ISOC1: variants seen among roughly 807,000 people sequenced by gnomAD.
The protein encoded by ISOC1 is isochorismatase domain-containing protein 1.
A neutral mutation model predicts 30.0 loss-of-function variants in ISOC1; 33 were observed. That is an observed-to-expected ratio of 1.10 (90% CI 0.83 to 1.47). ISOC1 has a LOEUF of 1.47. Among genes scored for constraint, ISOC1 ranks in the 40% most tolerant of loss-of-function variants. The probability of loss-of-function intolerance (pLI) is 0.00; values close to 1 mark genes in which losing one functional copy is unlikely to be tolerated. For synonymous variants in ISOC1, 178 were observed against 159.8 expected, an observed-to-expected ratio of 1.11 and a Z score of -0.86; for missense variants, 372 against 388.0, an observed-to-expected ratio of 0.96 and a Z score of 0.35.
At chr5:129,098,611 G>A (rs1026658699) in intron 1 of ISOC1, among the ~76,000 whole-genome samples, 2 of 152,168 alleles carry the variant, frequency 1.3e-5, no homozygotes, top group Non-Finnish European at 2.9e-5. Flanking sequence ...GACAGAGCCT[G>A]CAGAGAAGAG....
chr5:129,101,368 C>T (rs572068010), intron 1 of ISOC1, among the ~76,000 whole-genome samples: 320 of 151,438 alleles, frequency 2.1e-3, no homozygotes, highest in African/African-American at 6.7e-3. Context: ...CAGTGGTGCA[C>T]GCCTGTAATC....
At chr5:129,101,485 A>T (rs1354938599) in intron 1 of ISOC1, among the ~76,000 whole-genome samples, 1 of 151,838 alleles carries the variant, frequency 6.6e-6, no homozygotes. Flanking sequence ...ACAGAGTGAG[A>T]CTCTGTCTCA....
rs370618955 is a variant in ISOC1, at chr5:129,094,884, T to C, written c.118T>C (p.Ser40Pro). 1.2e-6 allele frequency: 2 copies of C among 1,607,296 alleles called. No homozygotes were observed. Among genetic ancestry groups the C allele is most frequent in the Non-Finnish European group, 1.7e-6 (2 of 1,178,198 alleles). ...TTTCTCAGTCTTCGCGCGACCCTCG[T>C]CGGTGCCACACGGGGCGGGCTACGA... is the stretch of plus-strand genomic sequence containing the variant. ...FCFSVFARPSSVPHGAGYELL... is the reference protein window; with the variant it reads ...FCFSVFARPSPVPHGAGYELL... Residue 40 changes from serine (S) to proline (P), a missense_variant, in exon 1 of 5, where the codon TCG (serine) becomes CCG (proline). Coordinates refer to ENST00000173527, the MANE Select transcript of ISOC1 (RefSeq NM_016048.2).
chr5:129,101,019 T>TTTTG (rs5871338), intron 1 of ISOC1, among the ~76,000 whole-genome samples: 72,299 of 144,288 alleles, frequency 0.5, 19,361 homozygotes, highest in East Asian at 0.71. Flanking sequence ...TCCCTATTGT[T>TTTTG]TTTGTTTGTT....
At chr5:129,112,249 G>C (rs1753717166) in intron 4 of ISOC1, among the ~76,000 whole-genome samples, 1 of 152,118 alleles carries the variant, frequency 6.6e-6, no homozygotes, top group Non-Finnish European at 1.5e-5. Flanking sequence ...AAAACATGAA[G>C]AGCTACAAAA....
chr5:129,104,081 A>G (rs187786943), intron 1 of ISOC1, among the ~76,000 whole-genome samples: 39 of 152,278 alleles, frequency 2.6e-4, no homozygotes, highest in African/African-American at 8.4e-4. Context: ...TCCACTTTTC[A>G]TCTTAATTCA....
intron 1 of ISOC1, among the ~76,000 whole-genome samples, chr5:129,103,328 G>T (rs1580787711): frequency 6.6e-6 from 1 of 152,150 alleles, no homozygotes; most frequent in East Asian, 1.9e-4. Flanking sequence ...AATGACCAAA[G>T]CAGAGGCATA....
rs76819663 is a variant in ISOC1, at chr5:129,100,911, T to TAA, written c.310-4034_310-4033dup. Among the ~76,000 whole-genome samples, 5 of 141,630 alleles carry TAA rather than the reference T, an allele frequency of 3.5e-5. No individual in the cohort carries two copies. In the South Asian group the frequency reaches 1.1e-3, roughly 32 times the overall value. The allele number at this position is 141,630 out of a possible 152,430, so 92.9% of individuals were successfully genotyped here. A position where few individuals can be genotyped will look rare whatever the true frequency, so the allele number is the denominator to read the frequency against. ...AAATATCATAGCATAGGGAGGCCAT[T>TAA]AAAAAAAAAAAACTAACTTTTTATT... is the stretch of plus-strand genomic sequence containing the variant. On this transcript the variant is annotated intron_variant, in intron 1 of 4. Coordinates refer to ENST00000173527, the MANE Select transcript of ISOC1 (RefSeq NM_016048.2).
rs370245668 is a variant in ISOC1, at chr5:129,112,865, G to C, written c.761G>C (p.Arg254Pro). ...DRMFALERLA[R>P]TGIIVTTSEA... ...ATCTTTTTGTTCAAGCGTCTCGCTC[G>C]AACCGGGATCATAGTGACCACGAGT... The change falls in exon 5 of 5, where the codon CGA becomes CCA. Residue 254 changes from arginine (R) to proline (P), a missense_variant. Physicochemically the swap from Arg to Pro is moderately radical, Grantham distance 103 (BLOSUM62 -2). Transcript: ENST00000173527. The C allele has an allele frequency of 5.0e-6, 8 of 1,612,044 alleles. No homozygotes were observed. The highest frequency in any genetic ancestry group is 4.5e-5 in the East Asian group (2 of 44,854).
intron 1 of ISOC1, among the ~76,000 whole-genome samples, chr5:129,095,397 C>G (rs1226161036): frequency 1.3e-5 from 2 of 152,254 alleles, no homozygotes; most frequent in African/African-American, 4.8e-5. Flanking sequence ...AGGTCCCAGC[C>G]TCCTGCGTAA....
At chr5:129,112,629 C>A (rs1325405698) in intron 4 of ISOC1, among the ~76,000 whole-genome samples, 2 of 151,928 alleles carry the variant, frequency 1.3e-5, no homozygotes, top group Non-Finnish European at 2.9e-5. Context: ...TACCTGTTCC[C>A]TTTTACTCGT....
intron 4 of ISOC1, among the ~76,000 whole-genome samples, chr5:129,109,941 A>AGG (rs1056912309): frequency 3.3e-4 from 50 of 152,296 alleles, no homozygotes; most frequent in African/African-American, 1.1e-3. Context: ...TCACTGTACC[A>AGG]GGGTCTGTGG....
intron 1 of ISOC1, among the ~76,000 whole-genome samples, chr5:129,096,186 T>G (rs1753498966): frequency 1.3e-5 from 2 of 152,386 alleles, no homozygotes; most frequent in African/African-American, 4.8e-5. Flanking sequence ...CTGAAACATT[T>G]ATCATTTATT....
intron 1 of ISOC1, among the ~76,000 whole-genome samples, chr5:129,095,921 A>G (rs1455456580): frequency 6.6e-6 from 1 of 152,246 alleles, no homozygotes; most frequent in Non-Finnish European, 1.5e-5. Context: ...AAAGAATATA[A>G]GGTATAATTT....
rs529810235 is a variant in ISOC1, at chr5:129,107,380, G to A, written c.750+318G>A. ...GAAGCCTAACCTAAACTGTTTAGAG[G>A]TTTGCAAATTAAAAATAGCTCAGTT... On this transcript the variant is annotated intron_variant, in intron 4 of 4. Transcript: ENST00000173527. Among the ~76,000 whole-genome samples the A allele has an allele frequency of 3.9e-5, 6 of 152,234 alleles. No homozygotes were observed. The South Asian group carries it at 1.2e-3, about 32-fold the overall frequency.
chr5:129,097,112 T>G (rs1399782884), intron 1 of ISOC1, among the ~76,000 whole-genome samples: 2 of 152,144 alleles, frequency 1.3e-5, no homozygotes, highest in Non-Finnish European at 2.9e-5. Flanking sequence ...TACTCCCTCT[T>G]CAGAAGAAAT....
intron 4 of ISOC1, among the ~76,000 whole-genome samples, chr5:129,109,569 G>A (rs10035098): frequency 6.6e-6 from 1 of 152,104 alleles, no homozygotes; most frequent in Non-Finnish European, 1.5e-5. Context: ...GTTGTCTGGG[G>A]TGGATTTGGA....
chr5:129,099,662 TATAA>T (rs1753547427), intron 1 of ISOC1, among the ~76,000 whole-genome samples: 1 of 152,230 alleles, frequency 6.6e-6, no homozygotes, highest in Non-Finnish European at 1.5e-5. Flanking sequence ...TTAGCATTCC[TATAA>T]ATATATTTAT....
Position 129,112,938 on chromosome 5 carries a change from C to T in ISOC1, c.834C>T (p.Phe278=). ...QLVADKDHPK[F]KEIQNLIKAS... ...TAGCTGATAAGGACCATCCAAAATT[C>T]AAGGAAATTCAGAATCTAATTAAGG... Residue 278 remains phenylalanine, a synonymous_variant, in exon 5 of 5, where the codon TTC becomes TTT. Coordinates refer to ENST00000173527, the MANE Select transcript of ISOC1 (RefSeq NM_016048.2). The T allele has an allele frequency of 6.2e-7, 1 of 1,613,848 alleles. No homozygotes were observed. Among genetic ancestry groups the T allele is most frequent in the African/African-American group, 1.3e-5 (1 of 75,018 alleles).
Sources: allele counts gnomAD v4.1 joint callset (sites outside exome capture counted in the v4.1 genomes callset), GRCh38; gene constraint gnomAD v4.1.1; transcripts MANE v1.5; gene names NCBI Gene and HGNC (gene_info 2026-07-23, HGNC 2026-07-21).